SEMA3F: variants seen among roughly 807,000 people sequenced by gnomAD.
SEMA3F encodes the protein semaphorin-3F.
In SEMA3F, 30 loss-of-function variants were observed where a neutral mutation model predicts 98.5. The ratio of observed to expected loss-of-function variants is 0.30; its 90% confidence interval spans 0.23 to 0.41. The LOEUF is 0.41. Ranked by LOEUF, SEMA3F falls within the 10% of genes least tolerant of loss-of-function variation. SEMA3F has a pLI of 1.00. For missense variants in SEMA3F, 866 were observed against 1,119.3 expected (o/e 0.77, Z 3.23); for synonymous variants, 380 against 444.8 (o/e 0.85, Z 1.83).
chr3:50,178,841 T>C (rs1243401793), intron 7 of SEMA3F, among the ~76,000 whole-genome samples: 1 of 137,342 alleles, frequency 7.3e-6, no homozygotes, highest in Non-Finnish European at 1.6e-5. Context: ...TTTTTTTTTT[T>C]TTTTTTTTGA....
At position 50,187,696 on chromosome 3, in the gene SEMA3F, C is replaced by G; in HGVS notation, c.1948-9C>G. 1.3e-6 allele frequency: 2 copies of G among 1,571,040 alleles called. No homozygotes were observed. Among genetic ancestry groups the G allele is most frequent in the Non-Finnish European group, 1.7e-6 (2 of 1,152,578 alleles). On this transcript the variant is annotated splice_polypyrimidine_tract_variant and intron_variant, in intron 18 of 18. Coordinates refer to ENST00000002829, the MANE Select transcript of SEMA3F (RefSeq NM_004186.5). Reference sequence around the variant, plus strand: ...AGAGCCTCTGAACCCCCTCTCCTTGCCCCTGCAGATTCGTGCAGAGGACCG... The same window carrying G: ...AGAGCCTCTGAACCCCCTCTCCTTGGCCCTGCAGATTCGTGCAGAGGACCG...
At chr3:50,185,354 G>T (rs533567612) in intron 13 of SEMA3F, 89 bp from the exon 14 acceptor site, 2 of 1,256,164 alleles carry the variant, frequency 1.6e-6, no homozygotes, top group Non-Finnish European at 2.2e-6. Context: ...CCCTAGGGGG[G>T]TTTGGGCCCT....
At chr3:50,167,192 A>G (rs1698436215) in intron 2 of SEMA3F, among the ~76,000 whole-genome samples, 4 of 152,290 alleles carry the variant, frequency 2.6e-5, no homozygotes, top group Middle Eastern at 6.8e-3. Flanking sequence ...CTCACAGGCA[A>G]CCATGCACAC....
chr3:50,172,027 C>G (rs936079124), intron 2 of SEMA3F, among the ~76,000 whole-genome samples: 2 of 152,170 alleles, frequency 1.3e-5, no homozygotes, highest in Admixed American at 6.5e-5. Context: ...CCCCCTGACC[C>G]CAGCCCACCT....
intron 1 of SEMA3F, among the ~76,000 whole-genome samples, chr3:50,157,614 CCTT>C (rs752757917): frequency 4.6e-5 from 7 of 152,292 alleles, no homozygotes; most frequent in East Asian, 3.9e-4. Context: ...CCTTCCCTCT[CCTT>C]CTTTCCCCCA....
rs140081490 is a variant in SEMA3F, at chr3:50,166,693, C to T, written c.112+6959C>T. On this transcript the variant is annotated intron_variant, in intron 2 of 18. Transcript: ENST00000002829. The surrounding 1 kb of genome is among the most constrained non-coding windows in gnomAD (Gnocchi z 4.7). Reference sequence around the variant, plus strand: ...AGGGGCTGCAGGGACCGCAGGAATCCGAGGAAGGCCGCAGAGATGGGGGCT... The same window carrying T: ...AGGGGCTGCAGGGACCGCAGGAATCTGAGGAAGGCCGCAGAGATGGGGGCT... Among the ~76,000 whole-genome samples, 1,928 of 152,116 alleles carry T rather than the reference C, an allele frequency of 0.013. 33 individuals carry two copies. The highest frequency in any genetic ancestry group is 0.014 in the Non-Finnish European group (951 of 67,982).
Position 50,185,446 on chromosome 3 carries a change from G to T in SEMA3F, c.1460G>T (p.Arg487Leu). The T allele has an allele frequency of 1.2e-6, 2 of 1,603,018 alleles. No homozygotes were observed. The highest frequency in any genetic ancestry group is 1.1e-5 in the South Asian group (1 of 90,782). ...RYEVLFLGTD[R>L]GTVQKVIVLP... The stretch of plus-strand genomic sequence containing the variant: ...GGCCCTGCCCGGCCCGTTCCAGACC[G>T]CGGGACAGTGCAGAAGGTCATTGTG... The change falls in exon 14 of 19, where the codon CGC (arginine) becomes CTC (leucine). Residue 487 changes from arginine (R) to leucine (L), a missense_variant. Around this residue, in one of 3 missense-constraint regions of SEMA3F, gnomAD observed 374 missense variants for 582.8 expected, o/e 0.64. Coordinates refer to ENST00000002829, the MANE Select transcript of SEMA3F (RefSeq NM_004186.5).
In SEMA3F at chr3:50,188,151, C is replaced by T; in HGVS notation, c.*36C>T. On this transcript the variant is annotated 3_prime_UTR_variant, in exon 19 of 19. Coordinates refer to ENST00000002829, the MANE Select transcript of SEMA3F (RefSeq NM_004186.5). This position sits in a 1 kb window ranked among gnomAD's most constrained non-coding sequence, Gnocchi z 4.5. ...CTGTGCCTGCCATGGGCCAGCCTAGCCCTTGTCCCTTTTAATATAAAAGAT... is the reference window on the plus strand; with the variant it reads ...CTGTGCCTGCCATGGGCCAGCCTAGTCCTTGTCCCTTTTAATATAAAAGAT... 1 of 1,213,770 alleles carries T rather than the reference C, an allele frequency of 8.2e-7. No homozygotes were observed. Among genetic ancestry groups the T allele is most frequent in the Non-Finnish European group, 1.1e-6 (1 of 941,226 alleles). 75.2% of individuals were successfully genotyped at this position (1,213,770 alleles called of 1,614,324 possible).
chr3:50,164,798 T>C (rs2624839), intron 2 of SEMA3F, among the ~76,000 whole-genome samples: 73,273 of 152,132 alleles, frequency 0.48, 18,498 homozygotes, highest in East Asian at 0.64. Context: ...ATCCTGGCCA[T>C]GGGTGGATCT....
At chr3:50,163,269 C>T (rs772392789) in intron 2 of SEMA3F, among the ~76,000 whole-genome samples, 5 of 152,332 alleles carry the variant, frequency 3.3e-5, no homozygotes, top group African/African-American at 9.6e-5. Flanking sequence ...GCCGAAGCAA[C>T]GGAATTGGGG....
At position 50,184,600 on chromosome 3, in the gene SEMA3F, T is replaced by C. The variant is rs1403762900; in HGVS notation, c.1242T>C (p.Gly414=). Residue 414 remains glycine (G), a synonymous_variant, in exon 13 of 19, where the codon GGT becomes GGC. Coordinates refer to ENST00000002829, the MANE Select transcript of SEMA3F (RefSeq NM_004186.5). The part of the protein sequence containing the change: ...MPYPRPGTCP[G]GTFTPSMKST... ...TCGCCACCTGTCCACAGTGCCCTGG[T>C]GGAACCTTCACGCCATCTATGAAGT... 1 of 1,613,286 alleles carries C rather than the reference T, an allele frequency of 6.2e-7. No homozygotes were observed. The highest frequency in any genetic ancestry group is 1.7e-5 in the Admixed American group (1 of 60,000).
Position 50,167,699 on chromosome 3 carries a change from G to T in SEMA3F, c.113-6094G>T, listed in dbSNP as rs576089717. 3.9e-5 allele frequency among the ~76,000 whole-genome samples: 6 copies of T among 152,298 alleles called. No individual in the cohort carries two copies. The South Asian group carries it at 1.2e-3, about 32-fold the overall frequency. On this transcript the variant is annotated intron_variant, in intron 2 of 18. Coordinates refer to ENST00000002829, the MANE Select transcript of SEMA3F (RefSeq NM_004186.5). ...AGTAGCCCTTGCAAAGGGGCCCCTC[G>T]TTGCAGGGGATTTCCCATCTTGAGG...
chr3:50,181,035 C>G (rs532079576), intron 7 of SEMA3F, among the ~76,000 whole-genome samples: 1 of 149,494 alleles, frequency 6.7e-6, no homozygotes, highest in Admixed American at 6.7e-5. Context: ...CCACTGCACT[C>G]TAGCCTGGGT....
chr3:50,158,703 G>T lies in SEMA3F; in HGVS notation c.-48-872G>T, dbSNP rs768521599. Among the ~76,000 whole-genome samples, 1 of 152,220 alleles carries T rather than the reference G, an allele frequency of 6.6e-6. No homozygotes were observed. ...GTAGGAGTTGGCGCTGGTTTGTGCC[G>T]GGAGGGAGCAATATGTTCTGACAAC... On this transcript the variant is annotated intron_variant, in intron 1 of 18. Coordinates refer to ENST00000002829, the MANE Select transcript of SEMA3F (RefSeq NM_004186.5). The surrounding 1 kb of genome is among the most constrained non-coding windows in gnomAD (Gnocchi z 4.8).
intron 2 of SEMA3F, among the ~76,000 whole-genome samples, chr3:50,161,534 C>T (rs1314771957): frequency 6.6e-6 from 1 of 152,224 alleles, no homozygotes; most frequent in Non-Finnish European, 1.5e-5. Flanking sequence ...CCGGTTGTGG[C>T]GGCCTGGGGT....
At chr3:50,162,582 A>G (rs1177829061) in intron 2 of SEMA3F, among the ~76,000 whole-genome samples, 2 of 152,194 alleles carry the variant, frequency 1.3e-5, no homozygotes, top group Non-Finnish European at 2.9e-5. Flanking sequence ...AATCTCAGAG[A>G]AAAAGCTCTT....
At chr3:50,162,495 G>A (rs9869175) in intron 2 of SEMA3F, among the ~76,000 whole-genome samples, 2,329 of 152,342 alleles carry the variant, frequency 0.015, 87 homozygotes, top group African/African-American at 0.052. Context: ...GCCTGGGCTG[G>A]AAGCCTGGAC....
At chr3:50,176,996 T>C (rs2109096663) in intron 7 of SEMA3F, 135 bp downstream of exon 7, 1 of 720,968 alleles carries the variant, frequency 1.4e-6, no homozygotes, top group South Asian at 1.6e-5. Flanking sequence ...AGGCCCCACC[T>C]GGCAAGGGGG....
At position 50,188,555 on chromosome 3, in the gene SEMA3F, G is replaced by A. The variant is rs1322609436; in HGVS notation, c.*440G>A. 6.6e-6 allele frequency: 1 copy of A among 152,502 alleles called. No individual in the cohort carries two copies. The highest frequency in any genetic ancestry group is 1.5e-5 in the Non-Finnish European group (1 of 68,102). 9.4% of individuals were successfully genotyped at this position (152,502 alleles called of 1,614,324 possible). A position where few individuals can be genotyped will look rare whatever the true frequency, so the allele number is the denominator to read the frequency against. ...GGATGCGAGGACCACTTTGGAGACT[G>A]GGGTGGCCTCAAGAGCACACAGAGA... is the stretch of plus-strand genomic sequence containing the variant. On this transcript the variant is annotated 3_prime_UTR_variant, in exon 19 of 19. Coordinates refer to ENST00000002829, the MANE Select transcript of SEMA3F (RefSeq NM_004186.5). The surrounding 1 kb of genome is among the most constrained non-coding windows in gnomAD (Gnocchi z 4.5).
Sources: gnomAD v4.1 joint callset for allele counts (sites outside exome capture counted in the v4.1 genomes callset) on GRCh38, gnomAD v4.1.1 for gene constraint, gnomAD v4.1.1 regional missense constraint, Gnocchi (gnomAD v3.1) non-coding constraint, MANE v1.5 for transcripts, NCBI Gene and HGNC (gene_info 2026-07-23, HGNC 2026-07-21) for gene names.